The following CNTN4 variants were observed in gnomAD, a reference collection of about 807,000 sequenced individuals.
CNTN4 encodes the protein contactin-4.
In CNTN4, 77 loss-of-function variants were observed where a neutral mutation model predicts 122.5. That is an observed-to-expected ratio of 0.63 (90% confidence interval 0.52 to 0.76). The LOEUF (loss-of-function observed/expected upper bound fraction) is 0.76, where lower values mean the gene tolerates loss of function less well. Ranked by LOEUF, CNTN4 falls within the 30% of genes least tolerant of loss-of-function variation. The pLI, the probability that CNTN4 is intolerant of heterozygous loss-of-function variation, is 0.00. For synonymous variants in CNTN4, 512 were observed against 447.0 expected, an observed-to-expected ratio of 1.15 and a Z score of -1.83; for missense variants, 1,256 against 1,259.1, an observed-to-expected ratio of 1.00 and a Z score of 0.04.
At chr3:2,257,733 T>C (rs577464838) in intron 2 of CNTN4, among the ~76,000 whole-genome samples, 33 of 152,310 alleles carry the variant, frequency 2.2e-4, no homozygotes, top group African/African-American at 7.5e-4. Context: ...CACAATGAGA[T>C]ACCATCTCTC....
chr3:2,732,657 G>A (rs2088783175), intron 4 of CNTN4, among the ~76,000 whole-genome samples: 1 of 152,142 alleles, frequency 6.6e-6, no homozygotes, highest in South Asian at 2.1e-4. Flanking sequence ...TTTCATCTCA[G>A]AACGCCTCTC....
chr3:2,819,964 C>G (rs1162264793), intron 7 of CNTN4, among the ~76,000 whole-genome samples: 1 of 152,192 alleles, frequency 6.6e-6, no homozygotes, highest in Admixed American at 6.5e-5. Flanking sequence ...ACTGTGTCTA[C>G]TCGCAATACT....
intron 2 of CNTN4, among the ~76,000 whole-genome samples, chr3:2,199,532 C>T (rs1012480853): frequency 1.3e-5 from 2 of 152,098 alleles, no homozygotes; most frequent in African/African-American, 2.4e-5. Context: ...TCCATGAGTA[C>T]AGGGAGTCAT....
intron 2 of CNTN4, among the ~76,000 whole-genome samples, chr3:2,281,194 C>G (rs939118146): frequency 6.6e-6 from 1 of 152,120 alleles, no homozygotes; most frequent in Non-Finnish European, 1.5e-5. Context: ...TTTTATACCT[C>G]CTACTCTCTT....
At chr3:2,172,038 T>A (rs1559309963) in intron 2 of CNTN4, among the ~76,000 whole-genome samples, 1 of 152,200 alleles carries the variant, frequency 6.6e-6, no homozygotes, top group Non-Finnish European at 1.5e-5. Context: ...GATCCGAATG[T>A]TTGAGAACCA....
chr3:2,323,452 T>A (rs1281742496), intron 2 of CNTN4, among the ~76,000 whole-genome samples: 1 of 152,176 alleles, frequency 6.6e-6, no homozygotes, highest in African/African-American at 2.4e-5. Context: ...TTACTTAACT[T>A]TTGTACAGAC....
chr3:2,442,957 A>G lies in CNTN4; in HGVS notation c.-89+103724A>G, dbSNP rs141725797. Among the ~76,000 whole-genome samples, 6 of 152,262 alleles carry G rather than the reference A, an allele frequency of 3.9e-5. No homozygotes were observed. The East Asian group carries it at 7.7e-4, about 20-fold the overall frequency. The stretch of plus-strand genomic sequence containing the variant: ...TTTTAATAATTTACTTATGAGAAGT[A>G]ATTTACATAAAATAGTAGCTTATTT... On this transcript the variant is annotated intron_variant, in intron 3 of 24. Transcript: ENST00000418658.
At chr3:2,145,959 T>TA (rs10677488) in intron 2 of CNTN4, among the ~76,000 whole-genome samples, 11 of 151,732 alleles carry the variant, frequency 7.2e-5, no homozygotes, top group South Asian at 4.2e-4. Context: ...TTTTTTTTTT[T>TA]AAATGAAGTT....
At chr3:2,109,117 C>A (rs1264131367) in intron 2 of CNTN4, among the ~76,000 whole-genome samples, 1 of 152,080 alleles carries the variant, frequency 6.6e-6, no homozygotes, top group Admixed American at 6.6e-5. Flanking sequence ...TTTTTAGAAA[C>A]AGTTTGTTTT....
chr3:2,653,144 C>T (rs189436613), intron 4 of CNTN4, among the ~76,000 whole-genome samples: 197 of 151,862 alleles, frequency 1.3e-3, no homozygotes, highest in Admixed American at 2.2e-3. Context: ...AAAACATACG[C>T]GTTAATACAT....
intron 3 of CNTN4, among the ~76,000 whole-genome samples, chr3:2,518,964 T>C (rs1165689002): frequency 6.6e-6 from 1 of 152,108 alleles, no homozygotes; most frequent in African/African-American, 2.4e-5. Flanking sequence ...AGAGAGGCAA[T>C]TGTAGGAAAA....
intron 23 of CNTN4, among the ~76,000 whole-genome samples, chr3:3,046,715 ATC>A (rs1700701916): frequency 6.6e-6 from 1 of 152,166 alleles, no homozygotes; most frequent in Non-Finnish European, 1.5e-5. Context: ...AAGAAACTGC[ATC>A]AACTACCGAG....
chr3:3,026,108 C>G lies in CNTN4; in HGVS notation c.1493C>G (p.Thr498Arg). 6.2e-7 allele frequency: 1 copy of G among 1,613,130 alleles called. No homozygotes were observed. Among genetic ancestry groups the G allele is most frequent in the Non-Finnish European group, 8.5e-7 (1 of 1,179,266 alleles). The change falls in exon 15 of 25, where the codon ACA becomes AGA. Residue 498 changes from threonine (T) to arginine (R), a missense_variant. Transcript: ENST00000418658. ...TTTTGTTTTAACTCTCCAGATCCAA[C>G]AAGGGTAATGGTACCCCCTTCCAGT... ...STGNLVVKDP[T>R]RVMVPPSSMD...
chr3:2,614,925 G>A (rs1181272207), intron 4 of CNTN4, among the ~76,000 whole-genome samples: 1 of 152,056 alleles, frequency 6.6e-6, no homozygotes, highest in Non-Finnish European at 1.5e-5. Flanking sequence ...GTATAATTTG[G>A]AGAACTGAAA....
intron 2 of CNTN4, among the ~76,000 whole-genome samples, chr3:2,125,757 C>T (rs1010284947): frequency 9.2e-5 from 14 of 151,804 alleles, no homozygotes; most frequent in Admixed American, 2.0e-4. Flanking sequence ...CGGGTTTTAC[C>T]GTGTTAAGCA....
chr3:2,760,819 T>G (rs1247283576), intron 6 of CNTN4, among the ~76,000 whole-genome samples: 1 of 152,190 alleles, frequency 6.6e-6, no homozygotes, highest in African/African-American at 2.4e-5. Context: ...TTTCCCCAAA[T>G]TTGAGGTAGA....
At chr3:2,979,526 TC>T (rs1257094048) in intron 13 of CNTN4, among the ~76,000 whole-genome samples, 1 of 152,166 alleles carries the variant, frequency 6.6e-6, no homozygotes, top group Non-Finnish European at 1.5e-5. Context: ...ATCTATTGTT[TC>T]ACTTTCAGGC....
intron 4 of CNTN4, among the ~76,000 whole-genome samples, chr3:2,611,297 CAA>C (rs201162114): frequency 3.2e-4 from 20 of 62,334 alleles, no homozygotes; most frequent in Admixed American, 3.9e-4. Flanking sequence ...CACCTGGAAC[CAA>C]AAAAAAAAAA....
At chr3:2,542,523 T>C (rs2078073664) in intron 3 of CNTN4, among the ~76,000 whole-genome samples, 1 of 152,152 alleles carries the variant, frequency 6.6e-6, no homozygotes, top group Non-Finnish European at 1.5e-5. Flanking sequence ...ATTTTCTTTC[T>C]ATTCCTAACA....
Sources: gnomAD v4.1 joint callset for allele counts (sites outside exome capture counted in the v4.1 genomes callset) on GRCh38, gnomAD v4.1.1 for gene constraint, MANE v1.5 for transcripts, NCBI Gene and HGNC (gene_info 2026-07-23, HGNC 2026-07-21) for gene names.